GLS: variants seen among roughly 807,000 people sequenced by gnomAD.
GLS encodes glutaminase kidney isoform, mitochondrial.
In GLS, 36 loss-of-function variants were observed where a neutral mutation model predicts 86.7. The observed-to-expected ratio is 0.42, with a 90% CI of 0.32 to 0.55. GLS has a LOEUF of 0.55. Ranked by LOEUF, GLS falls within the 20% of genes least tolerant of loss-of-function variation. The pLI, the probability that GLS is intolerant of heterozygous loss-of-function variation, is 0.17. For missense variants in GLS, 528 were observed against 833.4 expected (o/e 0.63, Z 4.51); for synonymous variants, 317 against 305.9 (o/e 1.04, Z -0.38).
rs201630298 is a variant in GLS at position 190,881,068 on chromosome 2, C to T, written c.-17C>T. The stretch of plus-strand genomic sequence containing the variant: ...AGCATCCTCCCCTGTTGAGCGGGCG[C>T]TGACGGACCCGGCGGCATGATGCGG... On this transcript the variant is annotated 5_prime_UTR_variant, in exon 1 of 18. Transcript: ENST00000320717. 6.0e-4 allele frequency: 935 copies of T among 1,546,286 alleles called. 9 individuals carry two copies. In the African/African-American group the frequency reaches 0.012, roughly 19 times the overall value.
chr2:190,895,304 TACAG>T lies in GLS; in HGVS notation c.483+57_483+60del. On this transcript the variant is annotated intron_variant, in intron 2 of 17. Coordinates refer to ENST00000320717, the MANE Select transcript of GLS (RefSeq NM_014905.5). This position sits in a 1 kb window ranked among gnomAD's most constrained non-coding sequence, Gnocchi z 4.2. The stretch of plus-strand genomic sequence containing the variant: ...AAAAAAATCAATAATAATAAATATA[TACAG>T]TATTATTGAAATATAGTCTTAAAGG... 1.4e-6 allele frequency: 1 copy of T among 705,248 alleles called. No individual in the cohort carries two copies. Among genetic ancestry groups the T allele is most frequent in the Non-Finnish European group, 2.5e-6 (1 of 403,200 alleles). The allele number at this position is 705,248 out of a possible 1,614,324, so 43.7% of individuals were successfully genotyped here.
intron 3 of GLS, among the ~76,000 whole-genome samples, chr2:190,898,967 A>C (rs1157541892): frequency 6.6e-6 from 1 of 152,224 alleles, no homozygotes; most frequent in Non-Finnish European, 1.5e-5. Flanking sequence ...AAAATAGTTA[A>C]ATGGTAGTAG....
chr2:190,923,648 AT>A (rs771085545), intron 9 of GLS, among the ~76,000 whole-genome samples: 38 of 152,208 alleles, frequency 2.5e-4, no homozygotes, highest in Non-Finnish European at 1.6e-4. Context: ...TAAAATTAGC[AT>A]TTTTGTTTAC....
chr2:190,888,323 A>G (rs1393365110), intron 1 of GLS, among the ~76,000 whole-genome samples: 1 of 152,182 alleles, frequency 6.6e-6, no homozygotes, highest in African/African-American at 2.4e-5. Context: ...CTTAAACATC[A>G]AACTTTAAAA....
chr2:190,948,508 G>C (rs183806384), intron 14 of GLS, among the ~76,000 whole-genome samples: 1 of 152,228 alleles, frequency 6.6e-6, no homozygotes, highest in South Asian at 2.1e-4. Context: ...CTCTTCAAAC[G>C]AGCATGGTCT....
chr2:190,956,946 A>G lies in GLS; in HGVS notation c.1853+2128A>G, dbSNP rs1302469134. On this transcript the variant is annotated intron_variant, in intron 17 of 17. Transcript: ENST00000320717. This position sits in a 1 kb window ranked among gnomAD's most constrained non-coding sequence, Gnocchi z 4.2. Reference sequence around the variant, plus strand: ...ATAGGAATGCCTGTGATTTTTGCACATTGATTTTGTATCTTGAGACTTTGC... The same window carrying G: ...ATAGGAATGCCTGTGATTTTTGCACGTTGATTTTGTATCTTGAGACTTTGC... Among the ~76,000 whole-genome samples the G allele has an allele frequency of 6.6e-6, 1 of 152,144 alleles. No individual in the cohort carries two copies. The highest frequency in any genetic ancestry group is 1.5e-5 in the Non-Finnish European group (1 of 68,034).
chr2:190,927,693 C>T (rs569617463), intron 12 of GLS: 11 of 433,880 alleles, frequency 2.5e-5, no homozygotes, highest in Admixed American at 8.1e-5. Context: ...TTTATAGAAC[C>T]TCATCCCTTC....
At chr2:190,961,101 A>G (rs1690989603) in intron 17 of GLS, among the ~76,000 whole-genome samples, 1 of 152,230 alleles carries the variant, frequency 6.6e-6, no homozygotes, top group Non-Finnish European at 1.5e-5. Flanking sequence ...CTGATAAGAA[A>G]AAGTGAGCTA....
In GLS at chr2:190,914,470, A is replaced by G. The variant is rs929777601; in HGVS notation, c.1038+4149A>G. Among the ~76,000 whole-genome samples, 1 of 151,798 alleles carries G rather than the reference A, an allele frequency of 6.6e-6. No individual in the cohort carries two copies. The highest frequency in any genetic ancestry group is 1.5e-5 in the Non-Finnish European group (1 of 67,946). ...ATGAAAGGTAGAGCATTTATTGTCA[A>G]CTGAAAATTGTTCTGTTACTTTATT... On this transcript the variant is annotated intron_variant, in intron 7 of 17. Transcript: ENST00000320717. This position sits in a 1 kb window ranked among gnomAD's most constrained non-coding sequence, Gnocchi z 4.4.
In GLS at chr2:190,947,752, G is replaced by T. The variant is rs1347261386; in HGVS notation, c.1651-5813G>T. 1.3e-5 allele frequency among the ~76,000 whole-genome samples: 2 copies of T among 152,120 alleles called. No individual in the cohort carries two copies. Among genetic ancestry groups the T allele is most frequent in the Non-Finnish European group, 1.5e-5 (1 of 68,014 alleles). On this transcript the variant is annotated intron_variant, in intron 14 of 17. Transcript: ENST00000320717. The surrounding 1 kb of genome is among the most constrained non-coding windows in gnomAD (Gnocchi z 5.0). ...ACTCAAGTATCCAGTGGGGAAATAG[G>T]GGAATGAGCTTTGATCAATGGTTAG...
chr2:190,948,701 G>C (rs951502565), intron 14 of GLS, among the ~76,000 whole-genome samples: 3 of 152,190 alleles, frequency 2.0e-5, no homozygotes, highest in African/African-American at 7.2e-5. Context: ...ACACACAAAT[G>C]CTCCATGTGG....
chr2:190,926,370 A>G (rs1336085012), intron 11 of GLS, among the ~76,000 whole-genome samples: 1 of 152,204 alleles, frequency 6.6e-6, no homozygotes, highest in South Asian at 2.1e-4. Flanking sequence ...CAATGTAGTC[A>G]AAGTTAAACA....
In GLS at chr2:190,913,333, C is replaced by A; in HGVS notation, c.1038+3012C>A. On this transcript the variant is annotated intron_variant, in intron 7 of 17. Transcript: ENST00000320717. This position sits in a 1 kb window ranked among gnomAD's most constrained non-coding sequence, Gnocchi z 6.1. The stretch of plus-strand genomic sequence containing the variant: ...AACTACTAAGCTTATAGGAAAACTC[C>A]AATATTTAAAATTTTAAACAAAGCT... The A allele has an allele frequency of 8.4e-7, 1 of 1,195,234 alleles. No homozygotes were observed. Among genetic ancestry groups the A allele is most frequent in the South Asian group, 1.6e-5 (1 of 63,300 alleles). 74.0% of individuals were successfully genotyped at this position (1,195,234 alleles called of 1,614,324 possible). A position where few individuals can be genotyped will look rare whatever the true frequency, so the allele number is the denominator to read the frequency against.
Position 190,914,501 on chromosome 2 carries a change from G to C in GLS, c.1038+4180G>C, listed in dbSNP as rs1689460323. ...AATTGTTCTGTTACTTTATTTTTAG[G>C]GTTGATCTATGAAAATACTAGATCT... On this transcript the variant is annotated intron_variant, in intron 7 of 17. Coordinates refer to ENST00000320717, the MANE Select transcript of GLS (RefSeq NM_014905.5). The surrounding 1 kb of genome is among the most constrained non-coding windows in gnomAD (Gnocchi z 4.4). 6.6e-6 allele frequency among the ~76,000 whole-genome samples: 1 copy of C among 150,846 alleles called. No homozygotes were observed. The highest frequency in any genetic ancestry group is 1.5e-5 in the Non-Finnish European group (1 of 67,718).
At chr2:190,945,654 G>C (rs915730870) in intron 14 of GLS, among the ~76,000 whole-genome samples, 1 of 149,806 alleles carries the variant, frequency 6.7e-6, no homozygotes, top group Non-Finnish European at 1.5e-5. Flanking sequence ...AACAGAGCGA[G>C]AGCCTGTCTC....
intron 9 of GLS, among the ~76,000 whole-genome samples, chr2:190,922,327 A>G (rs767622545): frequency 4.6e-5 from 7 of 152,100 alleles, no homozygotes; most frequent in African/African-American, 1.7e-4. Context: ...CATGTATACT[A>G]CTATTTTATT....
Position 190,953,425 on chromosome 2 carries a change from T to C in GLS, c.1651-140T>C. 1 of 624,926 alleles carries C rather than the reference T, an allele frequency of 1.6e-6. No individual in the cohort carries two copies. Among genetic ancestry groups the C allele is most frequent in the South Asian group, 2.1e-5 (1 of 46,836 alleles). The allele number at this position is 624,926 out of a possible 1,614,324, so 38.7% of individuals were successfully genotyped here. On this transcript the variant is annotated intron_variant, in intron 14 of 17. Transcript: ENST00000320717. This position sits in a 1 kb window ranked among gnomAD's most constrained non-coding sequence, Gnocchi z 4.0. ...TCACACACGTGGGTTCTTTTGGCTATGGAAGTGTCCTTGAGATCACTTTTT... is the reference window on the plus strand; with the variant it reads ...TCACACACGTGGGTTCTTTTGGCTACGGAAGTGTCCTTGAGATCACTTTTT...
rs915586355 is a variant in GLS, at chr2:190,964,410, A to C, written c.*1424A>C. On this transcript the variant is annotated 3_prime_UTR_variant, in exon 18 of 18. Coordinates refer to ENST00000320717, the MANE Select transcript of GLS (RefSeq NM_014905.5). The surrounding 1 kb of genome is among the most constrained non-coding windows in gnomAD (Gnocchi z 5.2). ...CTCAAGTACATGAATGTTAGTTGTT[A>C]TCACATACAGCAAATTCCTTTTTTT... 3.3e-5 allele frequency: 5 copies of C among 152,124 alleles called. No homozygotes were observed. Among genetic ancestry groups the C allele is most frequent in the Admixed American group, 6.5e-5 (1 of 15,288 alleles). 9.4% of individuals were successfully genotyped at this position (152,124 alleles called of 1,614,324 possible). A position where few individuals can be genotyped will look rare whatever the true frequency, so the allele number is the denominator to read the frequency against.
rs200922781 is a variant in GLS at position 190,910,246 on chromosome 2, G to A, written c.980-17G>A. ...TTTAAGTATTTGAAATAATGGTATT[G>A]CTTTTATATTTTACAGATAAACCAC... On this transcript the variant is annotated splice_polypyrimidine_tract_variant and intron_variant, in intron 6 of 17. Coordinates refer to ENST00000320717, the MANE Select transcript of GLS (RefSeq NM_014905.5). 1 of 1,394,978 alleles carries A rather than the reference G, an allele frequency of 7.2e-7. No individual in the cohort carries two copies. The highest frequency in any genetic ancestry group is 1.0e-6 in the Non-Finnish European group (1 of 993,080). 86.4% of individuals were successfully genotyped at this position (1,394,978 alleles called of 1,614,324 possible).
Sources: allele counts gnomAD v4.1 joint callset (sites outside exome capture counted in the v4.1 genomes callset), GRCh38; gene constraint gnomAD v4.1.1; non-coding constraint Gnocchi (gnomAD v3.1); transcripts MANE v1.5; gene names NCBI Gene and HGNC (gene_info 2026-07-23, HGNC 2026-07-21).